The following CDH13 variants were observed in gnomAD, a reference collection of about 807,000 sequenced individuals.
CDH13 encodes the protein cadherin 13, also known as cadherin-13.
A neutral mutation model predicts 63.8 loss-of-function variants in CDH13; 24 were observed. That is an observed-to-expected ratio of 0.38 (90% CI 0.27 to 0.53). The LOEUF is 0.53. Ranked by LOEUF, CDH13 falls within the 20% of genes least tolerant of loss-of-function variation. The pLI is 0.85. For synonymous variants in CDH13, 503 were observed against 355.3 expected, an observed-to-expected ratio of 1.42 and a Z score of -4.67; for missense variants, 1,049 against 903.1, an observed-to-expected ratio of 1.16 and a Z score of -2.07.
chr16:83,492,452 G>A (rs959819145), intron 7 of CDH13, among the ~76,000 whole-genome samples: 1 of 152,048 alleles, frequency 6.6e-6, no homozygotes, highest in Non-Finnish European at 1.5e-5. Context: ...CAATTTCTTC[G>A]AGCTATTTAC....
At chr16:83,341,923 C>T (rs182034870) in intron 5 of CDH13, among the ~76,000 whole-genome samples, 15 of 151,452 alleles carry the variant, frequency 9.9e-5, no homozygotes, top group Admixed American at 9.9e-4. Flanking sequence ...TCATTCAAGC[C>T]TCAGCTGAAA....
intron 1 of CDH13, among the ~76,000 whole-genome samples, chr16:82,738,756 C>T (rs1023782882): frequency 2.0e-5 from 3 of 152,372 alleles, no homozygotes; most frequent in Non-Finnish European, 4.4e-5. Context: ...TTTCTGTAGG[C>T]ATTAACTCTC....
chr16:82,764,587 G>A (rs572244933), intron 1 of CDH13, among the ~76,000 whole-genome samples: 1 of 152,270 alleles, frequency 6.6e-6, no homozygotes, highest in South Asian at 2.1e-4. Context: ...TTCTACAGAT[G>A]TATTTTGAGA....
At chr16:83,505,337 C>G (rs1366288104) in intron 7 of CDH13, among the ~76,000 whole-genome samples, 2 of 152,114 alleles carry the variant, frequency 1.3e-5, no homozygotes, top group Admixed American at 6.6e-5. Context: ...AACACTAGGA[C>G]TCAGAAGTGC....
chr16:83,236,663 T>A (rs1293884231), intron 5 of CDH13, among the ~76,000 whole-genome samples: 1 of 152,074 alleles, frequency 6.6e-6, no homozygotes, highest in Non-Finnish European at 1.5e-5. Flanking sequence ...TTCCCACTTC[T>A]GCTTGTTTCA....
At chr16:82,865,938 A>C (rs1053140087) in intron 2 of CDH13, among the ~76,000 whole-genome samples, 2 of 152,176 alleles carry the variant, frequency 1.3e-5, no homozygotes, top group Non-Finnish European at 2.9e-5. Flanking sequence ...TTTTAAGAGC[A>C]CCCATGTCAT....
intron 6 of CDH13, among the ~76,000 whole-genome samples, chr16:83,468,189 G>A (rs183203025): frequency 1.3e-3 from 201 of 152,308 alleles, no homozygotes; most frequent in African/African-American, 4.6e-3. Flanking sequence ...ATTTATTGAA[G>A]GGTCTGGGGA....
intron 5 of CDH13, among the ~76,000 whole-genome samples, chr16:83,319,258 A>C (rs2090170427): frequency 6.6e-6 from 1 of 152,140 alleles, no homozygotes; most frequent in Non-Finnish European, 1.5e-5. Context: ...AAATATTGGC[A>C]TGTTTGGATA....
At chr16:83,072,513 A>C (rs2151544840) in intron 3 of CDH13, among the ~76,000 whole-genome samples, 1 of 152,330 alleles carries the variant, frequency 6.6e-6, no homozygotes. Flanking sequence ...CCAGCTGGGA[A>C]GAATTTTCTG....
At chr16:83,433,942 T>TG (rs889524026) in intron 6 of CDH13, among the ~76,000 whole-genome samples, 59 of 152,182 alleles carry the variant, frequency 3.9e-4, no homozygotes, top group African/African-American at 1.3e-3. Flanking sequence ...TCCTTTGCGT[T>TG]GGGGGGGAAT....
At chr16:83,420,918 A>G (rs766783963) in intron 6 of CDH13, among the ~76,000 whole-genome samples, 6 of 152,212 alleles carry the variant, frequency 3.9e-5, no homozygotes, top group Admixed American at 2.6e-4. Flanking sequence ...TAGCAGGGGA[A>G]AAAGAAGTAA....
intron 3 of CDH13, among the ~76,000 whole-genome samples, chr16:83,033,447 G>A (rs539037466): frequency 1.3e-5 from 2 of 152,166 alleles, no homozygotes; most frequent in East Asian, 1.9e-4. Context: ...GGTGACTTCA[G>A]TATATATATG....
chr16:83,252,418 G>T (rs189470754), intron 5 of CDH13, among the ~76,000 whole-genome samples: 4 of 151,930 alleles, frequency 2.6e-5, no homozygotes, highest in African/African-American at 7.3e-5. Context: ...GGGAAAATAA[G>T]ATTTTATTAA....
chr16:83,295,847 G>A (rs1357746618), intron 5 of CDH13, among the ~76,000 whole-genome samples: 2 of 152,198 alleles, frequency 1.3e-5, no homozygotes, highest in Middle Eastern at 3.4e-3. Context: ...ACATCAATAT[G>A]TCAAAGAGAC....
At chr16:83,320,993 G>C (rs2090211673) in intron 5 of CDH13, among the ~76,000 whole-genome samples, 1 of 152,170 alleles carries the variant, frequency 6.6e-6, no homozygotes, top group Non-Finnish European at 1.5e-5. Flanking sequence ...ATATCTAAAG[G>C]AAACTGAGAC....
intron 1 of CDH13, among the ~76,000 whole-genome samples, chr16:82,713,462 G>A (rs2032112410): frequency 6.6e-6 from 1 of 152,098 alleles, no homozygotes; most frequent in Non-Finnish European, 1.5e-5. Context: ...TTCCCTGCCT[G>A]CCCCCAGCAC....
chr16:83,321,072 G>C (rs2090213168), intron 5 of CDH13, among the ~76,000 whole-genome samples: 1 of 152,212 alleles, frequency 6.6e-6, no homozygotes, highest in Non-Finnish European at 1.5e-5. Context: ...AGAGTTCATT[G>C]ATGAAGTATG....
intron 6 of CDH13, among the ~76,000 whole-genome samples, chr16:83,351,575 C>T (rs941870972): frequency 6.6e-6 from 1 of 152,198 alleles, no homozygotes; most frequent in African/African-American, 2.4e-5. Flanking sequence ...CAAGCAACAT[C>T]ATTGTTTCAA....
chr16:83,692,040 T>TCAGGAAATGTGACTC (rs1208331456), intron 10 of CDH13, among the ~76,000 whole-genome samples: 2 of 152,072 alleles, frequency 1.3e-5, no homozygotes, highest in Non-Finnish European at 2.9e-5. Context: ...AGATTCACAC[T>TCAGGAAATGTGACTC]CAGGAAATGT....
Sources: allele counts gnomAD v4.1 joint callset (sites outside exome capture counted in the v4.1 genomes callset), GRCh38; gene constraint gnomAD v4.1.1; transcripts MANE v1.5; gene names NCBI Gene and HGNC (gene_info 2026-07-23, HGNC 2026-07-21).